Variants in MBNL2 observed in about 807,000 individuals in gnomAD.
MBNL2 encodes the protein muscleblind-like protein 2.
In MBNL2, 17 loss-of-function variants were observed where a neutral mutation model predicts 41.9. That is an observed-to-expected ratio of 0.41 (90% confidence interval 0.28 to 0.61). The LOEUF is 0.61. MBNL2 is among the 20% of genes least tolerant of loss of function. The probability of loss-of-function intolerance (pLI) is 0.35; values close to 1 mark genes in which losing one functional copy is unlikely to be tolerated. For missense variants in MBNL2, 336 were observed against 505.6 expected (o/e 0.66, Z 3.22); for synonymous variants, 195 against 182.9 (o/e 1.07, Z -0.53).
chr13:97,316,033 TCCTGGACCCAACAG>T (rs1306908341), intron 2 of MBNL2, among the ~76,000 whole-genome samples: 9 of 152,320 alleles, frequency 5.9e-5, no homozygotes, highest in South Asian at 2.1e-4. Flanking sequence ...GACTCTAGAT[TCCTGGACCCAACAG>T]CCTGCTTGGC....
chr13:97,175,962 C>A, the MBNL2 span, among the ~76,000 whole-genome samples: 1 of 152,098 alleles, frequency 6.6e-6, no homozygotes, highest in African/African-American at 2.4e-5. Flanking sequence ...GGATGCCCCC[C>A]AGGATTTTGG....
intron 8 of MBNL2, among the ~76,000 whole-genome samples, chr13:97,382,468 G>A (rs536732502): frequency 4.6e-5 from 7 of 152,162 alleles, no homozygotes; most frequent in African/African-American, 7.2e-5. Flanking sequence ...CTGTGGAGGC[G>A]CCATAATCCC....
At chr13:97,384,812 G>C (rs1013727342) in intron 8 of MBNL2, among the ~76,000 whole-genome samples, 1 of 152,146 alleles carries the variant, frequency 6.6e-6, no homozygotes, top group East Asian at 1.9e-4. Context: ...TGTAACCATG[G>C]CAAAAGATTT....
At chr13:97,285,641 G>T (rs2054270884) in intron 2 of MBNL2, among the ~76,000 whole-genome samples, 1 of 152,162 alleles carries the variant, frequency 6.6e-6, no homozygotes, top group East Asian at 1.9e-4. Flanking sequence ...TCAGCCAGTA[G>T]ACTGCCATAT....
intron 1 of MBNL2, among the ~76,000 whole-genome samples, chr13:97,255,623 C>G (rs555698724): frequency 6.6e-6 from 1 of 152,342 alleles, no homozygotes; most frequent in South Asian, 2.1e-4. Flanking sequence ...GGCAATGAGG[C>G]TACCCGTAGA....
chr13:97,213,472 C>T, the MBNL2 span, among the ~76,000 whole-genome samples: 1 of 152,186 alleles, frequency 6.6e-6, no homozygotes, highest in Non-Finnish European at 1.5e-5. Context: ...TTGCAATGCA[C>T]ATTCCCAGAA....
intron 1 of MBNL2, among the ~76,000 whole-genome samples, chr13:97,231,553 G>A (rs2042380533): frequency 6.6e-6 from 1 of 152,214 alleles, no homozygotes; most frequent in African/African-American, 2.4e-5. Context: ...TTCAGCCTCA[G>A]AGTGAAGCTG....
chr13:97,283,629 C>T (rs2053855214), intron 2 of MBNL2, among the ~76,000 whole-genome samples: 1 of 152,128 alleles, frequency 6.6e-6, no homozygotes, highest in Non-Finnish European at 1.5e-5. Context: ...TGCAGGGTTT[C>T]ATGTTTGCTT....
At chr13:97,189,932 C>G in the MBNL2 span, among the ~76,000 whole-genome samples, 1 of 152,216 alleles carries the variant, frequency 6.6e-6, no homozygotes, top group Non-Finnish European at 1.5e-5. Context: ...CTTTTTCAAT[C>G]ATGCCTGATT....
the MBNL2 span, among the ~76,000 whole-genome samples, chr13:97,164,009 A>G: frequency 1.3e-5 from 2 of 151,798 alleles, no homozygotes; most frequent in Admixed American, 1.3e-4. Context: ...TTACTTTTTT[A>G]CTTTTTTCTT....
chr13:97,170,300 G>A, the MBNL2 span, among the ~76,000 whole-genome samples: 1 of 152,182 alleles, frequency 6.6e-6, no homozygotes, highest in Non-Finnish European at 1.5e-5. Context: ...ATTTTGCTAA[G>A]TGCTTCACAT....
intron 1 of MBNL2, among the ~76,000 whole-genome samples, chr13:97,255,562 ACACT>A (rs2047365846): frequency 6.6e-6 from 1 of 152,186 alleles, no homozygotes; most frequent in Non-Finnish European, 1.5e-5. Context: ...GCAGGAACTA[ACACT>A]CAATCCTTCT....
At chr13:97,184,191 T>C in the MBNL2 span, among the ~76,000 whole-genome samples, 149 of 152,332 alleles carry the variant, frequency 9.8e-4, 1 homozygote, top group Non-Finnish European at 1.7e-3. Flanking sequence ...ACTGTTTCTC[T>C]ATCCTACAAG....
chr13:97,188,785 C>T, the MBNL2 span, among the ~76,000 whole-genome samples: 1 of 152,216 alleles, frequency 6.6e-6, no homozygotes. Flanking sequence ...TCACCTGATT[C>T]CTATCAATCT....
chr13:97,204,014 C>A, the MBNL2 span, among the ~76,000 whole-genome samples: 1 of 152,100 alleles, frequency 6.6e-6, no homozygotes, highest in Non-Finnish European at 1.5e-5. Flanking sequence ...AAAAGAAATA[C>A]AAAACTTGTA....
At chr13:97,340,285 T>C (rs1217107577) in intron 3 of MBNL2, among the ~76,000 whole-genome samples, 1 of 152,218 alleles carries the variant, frequency 6.6e-6, no homozygotes, top group Non-Finnish European at 1.5e-5. Flanking sequence ...AAGGAACATA[T>C]CCAACTGCGT....
the MBNL2 span, among the ~76,000 whole-genome samples, chr13:97,154,195 G>A: frequency 3.9e-5 from 6 of 152,112 alleles, no homozygotes; most frequent in African/African-American, 1.4e-4. Flanking sequence ...AGAATTTGAT[G>A]TGTAAAAAAA....
intron 2 of MBNL2, among the ~76,000 whole-genome samples, chr13:97,294,651 A>G (rs1432971725): frequency 2.0e-5 from 3 of 152,216 alleles, no homozygotes; most frequent in African/African-American, 7.2e-5. Flanking sequence ...CCAATGCTGT[A>G]GCTGCATGGC....
chr13:97,267,856 A>T (rs1215961538), intron 1 of MBNL2, among the ~76,000 whole-genome samples: 2 of 152,186 alleles, frequency 1.3e-5, no homozygotes, highest in Non-Finnish European at 2.9e-5. Flanking sequence ...AAAAGCCTGC[A>T]GGTAACTCCA....
Sources: gnomAD v4.1 joint callset for allele counts (sites outside exome capture counted in the v4.1 genomes callset) on GRCh38, gnomAD v4.1.1 for gene constraint, MANE v1.5 for transcripts, NCBI Gene and HGNC (gene_info 2026-07-23, HGNC 2026-07-21) for gene names.